Variants in AMMECR1 observed in about 807,000 individuals in gnomAD.
AMMECR1 encodes the protein AMMECR nuclear protein 1.
A neutral mutation model predicts 22.5 loss-of-function variants in AMMECR1; 3 were observed. The observed-to-expected ratio is 0.13, with a 90% CI of 0.06 to 0.35. The LOEUF is 0.35. Among genes scored for constraint, AMMECR1 ranks in the 10% least tolerant of loss-of-function variants. The pLI is 1.00. For missense variants in AMMECR1, 235 were observed against 278.7 expected (o/e 0.84, Z 1.12); for synonymous variants, 130 against 116.7 (o/e 1.11, Z -0.74).
chrX:110,249,017 G>A (rs889508075), intron 2 of AMMECR1, among the ~76,000 whole-genome samples: 8 of 111,914 alleles, frequency 7.1e-5, no homozygotes, highest in African/African-American at 2.3e-4. Flanking sequence ...AAATTCTGAT[G>A]GGACTATGGA....
intron 2 of AMMECR1, among the ~76,000 whole-genome samples, chrX:110,250,191 A>C (rs1177864582): frequency 8.9e-6 from 1 of 111,996 alleles, no homozygotes; most frequent in East Asian, 2.8e-4. Context: ...GTACTTTTTC[A>C]TTTTTTAAGC....
intron 1 of AMMECR1, among the ~76,000 whole-genome samples, chrX:110,307,594 G>A (rs1002864524): frequency 4.5e-5 from 5 of 111,373 alleles, no homozygotes; most frequent in African/African-American, 1.6e-4. Flanking sequence ...AAGAAGATAT[G>A]TCTGAATACC....
At position 110,259,479 on chromosome X, in the gene AMMECR1, A is replaced by G. The variant is rs184752030; in HGVS notation, c.584+5010T>C. 4.5e-5 allele frequency among the ~76,000 whole-genome samples: 5 copies of G among 111,856 alleles called. No homozygotes were observed. The East Asian group carries it at 1.4e-3, about 31-fold the overall frequency. ...TTGCTGAATAAGAATACATCTATTA[A>G]TTACTTAATGTGTTCTAGAAAAATT... On this transcript the variant is annotated intron_variant, in intron 2 of 5. Transcript: ENST00000262844.
intron 2 of AMMECR1, among the ~76,000 whole-genome samples, chrX:110,331,229 A>G (rs1037371780): frequency 1.8e-5 from 2 of 108,343 alleles, no homozygotes; most frequent in Non-Finnish European, 3.8e-5. Flanking sequence ...TTTGCTCTGC[A>G]TTTATTGCCA....
At chrX:110,381,614 C>A (rs2068419827) in intron 2 of AMMECR1, among the ~76,000 whole-genome samples, 1 of 111,737 alleles carries the variant, frequency 8.9e-6, no homozygotes, top group Non-Finnish European at 1.9e-5. Context: ...CAAAAAGACA[C>A]CTGCACTTGT....
At chrX:110,382,363 C>T (rs1174897677) in intron 2 of AMMECR1, among the ~76,000 whole-genome samples, 1 of 110,099 alleles carries the variant, frequency 9.1e-6, no homozygotes, top group African/African-American at 3.3e-5. Context: ...CCACCACCAA[C>T]AATAAGAAAC....
intron 2 of AMMECR1, among the ~76,000 whole-genome samples, chrX:110,363,004 A>G (rs1413496148): frequency 1.8e-5 from 2 of 112,340 alleles, no homozygotes; most frequent in Admixed American, 1.9e-4. Context: ...AAAGGAAGCT[A>G]GCATTTCAAC....
At chrX:110,377,653 G>T (rs1327659214) in intron 2 of AMMECR1, among the ~76,000 whole-genome samples, 1 of 111,411 alleles carries the variant, frequency 9.0e-6, no homozygotes, top group Non-Finnish European at 1.9e-5. Flanking sequence ...GCCTTGGGCT[G>T]CTATCATAAC....
intron 2 of AMMECR1, among the ~76,000 whole-genome samples, chrX:110,384,262 G>T (rs1478244394): frequency 9.0e-6 from 1 of 110,515 alleles, no homozygotes; most frequent in Non-Finnish European, 1.9e-5. Flanking sequence ...TTAAGTATTT[G>T]TTGGGGTCAG....
chrX:110,320,559 G>A (rs941438541), upstream of AMMECR1, among the ~76,000 whole-genome samples: 1 of 111,849 alleles, frequency 8.9e-6, no homozygotes, highest in Non-Finnish European at 1.9e-5. Flanking sequence ...AGAGTCTAAC[G>A]CCCCTACTCT....
chrX:110,258,268 G>A (rs2067720834), intron 2 of AMMECR1, among the ~76,000 whole-genome samples: 1 of 112,186 alleles, frequency 8.9e-6, no homozygotes, highest in Non-Finnish European at 1.9e-5. Context: ...TTCTGCAAAT[G>A]GTTCCTGCTG....
At chrX:110,337,457 C>T (rs183284690) in intron 2 of AMMECR1, among the ~76,000 whole-genome samples, 313 of 111,571 alleles carry the variant, frequency 2.8e-3, no homozygotes, top group Non-Finnish European at 4.0e-3. Context: ...GGTATAAAGA[C>T]ACAAAACTGC....
chrX:110,438,829 T>C (rs55782092), intron 1 of AMMECR1, among the ~76,000 whole-genome samples: 29,698 of 111,512 alleles, frequency 0.27, 4,034 homozygotes, highest in Non-Finnish European at 0.41. Context: ...TCTTATCCTT[T>C]GCCTTTGCTA....
At chrX:110,313,945 G>T (rs1308716061) in intron 1 of AMMECR1, among the ~76,000 whole-genome samples, 1 of 111,697 alleles carries the variant, frequency 9.0e-6, no homozygotes, top group Non-Finnish European at 1.9e-5. Flanking sequence ...CTCTCCAGAG[G>T]TTCTCAACGT....
intron 1 of AMMECR1, among the ~76,000 whole-genome samples, chrX:110,313,236 T>C (rs2068032252): frequency 8.9e-6 from 1 of 112,085 alleles, no homozygotes; most frequent in Admixed American, 9.4e-5. Context: ...AAAATCTGCA[T>C]ATGCGGGAGT....
intron 1 of AMMECR1, among the ~76,000 whole-genome samples, chrX:110,268,792 T>C (rs2067783211): frequency 9.0e-6 from 1 of 111,650 alleles, no homozygotes; most frequent in African/African-American, 3.3e-5. Flanking sequence ...TTTGAGCCTG[T>C]TGAGAGGAGC....
chrX:110,357,835 T>C (rs912797836), intron 2 of AMMECR1, among the ~76,000 whole-genome samples: 6 of 111,502 alleles, frequency 5.4e-5, no homozygotes, highest in African/African-American at 2.0e-4. Flanking sequence ...TTGCCCTTCT[T>C]GGATTTTTTC....
intron 2 of AMMECR1, among the ~76,000 whole-genome samples, chrX:110,263,740 T>C (rs1487830008): frequency 8.9e-6 from 1 of 111,839 alleles, no homozygotes; most frequent in African/African-American, 3.2e-5. Flanking sequence ...CTGTATCAGA[T>C]AATCACCCTA....
intron 2 of AMMECR1, among the ~76,000 whole-genome samples, chrX:110,330,124 G>A (rs918982333): frequency 9.0e-6 from 1 of 111,538 alleles, no homozygotes; most frequent in African/African-American, 3.3e-5. Context: ...TCTTTATTCA[G>A]TTCCCTTTCT....
Sources: allele counts gnomAD v4.1 joint callset (sites outside exome capture counted in the v4.1 genomes callset), GRCh38; gene constraint gnomAD v4.1.1; transcripts MANE v1.5; gene names NCBI Gene and HGNC (gene_info 2026-07-23, HGNC 2026-07-21).